KCNK2: variants seen among roughly 807,000 people sequenced by gnomAD.
The protein encoded by KCNK2 is potassium two pore domain channel subfamily K member 2.
In KCNK2, 21 loss-of-function variants were observed where a neutral mutation model predicts 40.5. The observed-to-expected ratio is 0.52, with a 90% CI of 0.37 to 0.75. The LOEUF is 0.75. Ranked by LOEUF, KCNK2 falls within the 30% of genes least tolerant of loss-of-function variation. The pLI is 0.00. For synonymous variants in KCNK2, 191 were observed against 202.2 expected (o/e 0.94, Z 0.47); for missense variants, 399 against 531.6 (o/e 0.75, Z 2.45).
chr1:215,088,201 G>T (rs1486729207), intron 2 of KCNK2, among the ~76,000 whole-genome samples: 1 of 151,848 alleles, frequency 6.6e-6, no homozygotes, highest in African/African-American at 2.4e-5. Context: ...CACTTCCCTC[G>T]GTTTCTGAAG....
rs1217526511 is a variant in KCNK2 at position 215,163,764 on chromosome 1, G to T, written c.476-5435G>T. On this transcript the variant is annotated intron_variant, in intron 3 of 6. Transcript: ENST00000444842. ...TGAACCAGACTTGCATCCCAGGGATGAAGCCGACTTGATCGTGGTGGATAA... is the reference window on the plus strand; with the variant it reads ...TGAACCAGACTTGCATCCCAGGGATTAAGCCGACTTGATCGTGGTGGATAA... Among the ~76,000 whole-genome samples, 3 of 152,164 alleles carry T rather than the reference G, an allele frequency of 2.0e-5. No homozygotes were observed. The East Asian group carries it at 5.8e-4, about 29-fold the overall frequency.
chr1:215,130,202 G>A lies in KCNK2; in HGVS notation c.475+5452G>A, dbSNP rs187324976. Among the ~76,000 whole-genome samples, 11 of 152,250 alleles carry A rather than the reference G, an allele frequency of 7.2e-5. No individual in the cohort carries two copies. In the East Asian group the frequency reaches 1.7e-3, roughly 24 times the overall value. On this transcript the variant is annotated intron_variant, in intron 3 of 6. Transcript: ENST00000444842. ...ATCACCAATGGCCAATTATTTAATC[G>A]TCAGGCCTACTTCATGAAAGCTCCA...
chr1:215,108,512 T>G (rs1302696132), intron 2 of KCNK2, among the ~76,000 whole-genome samples: 1 of 152,136 alleles, frequency 6.6e-6, no homozygotes, highest in Non-Finnish European at 1.5e-5. Flanking sequence ...AGCTTTTTTG[T>G]TTGACATAGT....
At chr1:215,034,789 G>A (rs1400934901) in intron 1 of KCNK2, among the ~76,000 whole-genome samples, 1 of 151,804 alleles carries the variant, frequency 6.6e-6, no homozygotes, top group East Asian at 1.9e-4. Flanking sequence ...CTTTATCTTT[G>A]GACAGAACAA....
chr1:215,118,979 A>T (rs1290352888), intron 2 of KCNK2, among the ~76,000 whole-genome samples: 1 of 152,180 alleles, frequency 6.6e-6, no homozygotes, highest in East Asian at 1.9e-4. Context: ...TTTGATGAAC[A>T]TAAACATCTC....
intron 1 of KCNK2, among the ~76,000 whole-genome samples, chr1:215,040,604 A>C (rs1251851188): frequency 2.6e-5 from 4 of 152,200 alleles, no homozygotes; most frequent in Non-Finnish European, 1.5e-5. Flanking sequence ...CTTATGAAGC[A>C]GGCAAGTGGC....
intron 6 of KCNK2, among the ~76,000 whole-genome samples, chr1:215,221,397 C>T (rs965121775): frequency 4.6e-5 from 7 of 151,866 alleles, no homozygotes; most frequent in African/African-American, 1.2e-4. Flanking sequence ...AAACAAACAA[C>T]GACAACAAAA....
intron 5 of KCNK2, among the ~76,000 whole-genome samples, chr1:215,185,054 G>C (rs1412562898): frequency 6.6e-6 from 1 of 152,024 alleles, no homozygotes; most frequent in Admixed American, 6.6e-5. Flanking sequence ...TGATAGCTGT[G>C]TGCTAATAAG....
chr1:215,163,729 T>C (rs1268377023), intron 3 of KCNK2, among the ~76,000 whole-genome samples: 1 of 152,200 alleles, frequency 6.6e-6, no homozygotes, highest in Non-Finnish European at 1.5e-5. Flanking sequence ...GTTTATTGAT[T>C]TGCGTATGTT....
intron 2 of KCNK2, among the ~76,000 whole-genome samples, chr1:215,105,149 T>C (rs1242784077): frequency 2.0e-5 from 3 of 152,114 alleles, no homozygotes; most frequent in African/African-American, 4.8e-5. Context: ...TTCAGTACCA[T>C]TGACTATCTG....
At chr1:215,062,465 C>G (rs1377591544) in intron 1 of KCNK2, among the ~76,000 whole-genome samples, 1 of 151,734 alleles carries the variant, frequency 6.6e-6, no homozygotes, top group Non-Finnish European at 1.5e-5. Flanking sequence ...GTGGAACACA[C>G]TGGGAAAATA....
intron 3 of KCNK2, among the ~76,000 whole-genome samples, chr1:215,165,595 A>G (rs1055735259): frequency 6.6e-6 from 1 of 152,166 alleles, no homozygotes; most frequent in Non-Finnish European, 1.5e-5. Flanking sequence ...TTGAGCACAT[A>G]TAGTATAATA....
intron 1 of KCNK2, among the ~76,000 whole-genome samples, chr1:215,053,959 T>C (rs934566475): frequency 6.6e-6 from 1 of 152,134 alleles, no homozygotes; most frequent in African/African-American, 2.4e-5. Context: ...AGAGCAAGAC[T>C]CCATCTCAAA....
intron 2 of KCNK2, among the ~76,000 whole-genome samples, chr1:215,097,307 C>T (rs1660018341): frequency 6.6e-6 from 1 of 151,768 alleles, no homozygotes; most frequent in Non-Finnish European, 1.5e-5. Flanking sequence ...GTTTTGCTCT[C>T]AGGTTAGGAC....
In KCNK2 at chr1:215,031,195, C is replaced by A. The variant is rs1657177375; in HGVS notation, c.34+25240C>A. 3.3e-5 allele frequency among the ~76,000 whole-genome samples: 5 copies of A among 152,204 alleles called. No individual in the cohort carries two copies. In the South Asian group the frequency reaches 1.0e-3, roughly 32 times the overall value. On this transcript the variant is annotated intron_variant, in intron 1 of 6. Transcript: ENST00000391895. Reference sequence around the variant, plus strand: ...ATCAGTCCTCTGACTTTTTTACCTGCAATATTATGTTGGCTATTCTAGGTC... The same window carrying A: ...ATCAGTCCTCTGACTTTTTTACCTGAAATATTATGTTGGCTATTCTAGGTC...
intron 3 of KCNK2, among the ~76,000 whole-genome samples, chr1:215,168,054 A>T (rs907402152): frequency 1.3e-5 from 2 of 152,180 alleles, no homozygotes; most frequent in African/African-American, 2.4e-5. Flanking sequence ...TGGGCAAAAG[A>T]TATGAACAGA....
chr1:215,091,969 G>T (rs1337374136), intron 2 of KCNK2, among the ~76,000 whole-genome samples: 1 of 152,148 alleles, frequency 6.6e-6, no homozygotes, highest in African/African-American at 2.4e-5. Flanking sequence ...GGCCCTGGAA[G>T]TCATCATCAT....
chr1:215,110,468 C>A (rs1031379612), intron 2 of KCNK2, among the ~76,000 whole-genome samples: 2 of 151,788 alleles, frequency 1.3e-5, no homozygotes, highest in African/African-American at 4.9e-5. Context: ...ATTGAAAAGA[C>A]TATCCTTTCC....
chr1:215,156,029 G>A (rs1472634468), intron 3 of KCNK2, among the ~76,000 whole-genome samples: 1 of 151,274 alleles, frequency 6.6e-6, no homozygotes, highest in Non-Finnish European at 1.5e-5. Context: ...TTATGTGTGT[G>A]TGTATATATT....
Sources: allele counts gnomAD v4.1 joint callset (sites outside exome capture counted in the v4.1 genomes callset), GRCh38; gene constraint gnomAD v4.1.1; transcripts MANE v1.5; gene names NCBI Gene and HGNC (gene_info 2026-07-23, HGNC 2026-07-21).